ADAM18: variants seen among roughly 807,000 people sequenced by gnomAD.
ADAM18 encodes the protein ADAM metallopeptidase domain 18.
A neutral mutation model predicts 94.4 loss-of-function variants in ADAM18; 117 were observed. The ratio of observed to expected loss-of-function variants is 1.24; its 90% confidence interval spans 1.07 to 1.45. The LOEUF (loss-of-function observed/expected upper bound fraction) is 1.45. ADAM18 is among the 40% of genes most tolerant of loss of function. ADAM18 has a pLI of 0.00. For synonymous variants in ADAM18, 327 were observed against 291.6 expected (o/e 1.12, Z -1.24); for missense variants, 936 against 880.0 (o/e 1.06, Z -0.81).
intron 14 of ADAM18, among the ~76,000 whole-genome samples, chr8:39,669,745 T>C (rs1821101828): frequency 1.3e-5 from 2 of 152,132 alleles, no homozygotes; most frequent in Non-Finnish European, 2.9e-5. Flanking sequence ...TCCAAGTCTT[T>C]GCTATTGTGA....
intron 12 of ADAM18, among the ~76,000 whole-genome samples, chr8:39,661,193 C>T (rs1476075066): frequency 6.9e-6 from 1 of 145,042 alleles, no homozygotes; most frequent in Non-Finnish European, 1.5e-5. Flanking sequence ...CGGTTTGTCG[C>T]CCAGGCTGGA....
chr8:39,597,806 C>T (rs1032060200), intron 2 of ADAM18, among the ~76,000 whole-genome samples: 6 of 152,032 alleles, frequency 3.9e-5, no homozygotes, highest in Middle Eastern at 3.4e-3. Flanking sequence ...ATTTGTTTGT[C>T]GATATTTGCA....
intron 12 of ADAM18, among the ~76,000 whole-genome samples, chr8:39,661,319 A>ATTTTTTTTTTTTTTT (rs71518171): frequency 9.7e-5 from 11 of 112,852 alleles, no homozygotes; most frequent in African/African-American, 4.5e-4. Context: ...CACCCGGCAA[A>ATTTTTTTTTTTTTTT]TTTTTTTTTT....
At chr8:39,674,124 A>C (rs1269053007) in intron 14 of ADAM18, among the ~76,000 whole-genome samples, 1 of 152,152 alleles carries the variant, frequency 6.6e-6, no homozygotes, top group East Asian at 1.9e-4. Context: ...AGAGTTCTGT[A>C]GATGTCTATT....
chr8:39,684,459 C>G (rs58859185), intron 16 of ADAM18, among the ~76,000 whole-genome samples: 2 of 152,108 alleles, frequency 1.3e-5, no homozygotes, highest in Non-Finnish European at 2.9e-5. Flanking sequence ...AACTGGGGCA[C>G]GAACTGGGCC....
At chr8:39,632,396 CCT>C (rs1293108692) in intron 7 of ADAM18, among the ~76,000 whole-genome samples, 1 of 151,840 alleles carries the variant, frequency 6.6e-6, no homozygotes, top group Non-Finnish European at 1.5e-5. Context: ...CCTTATATTC[CCT>C]GTTTTCCAAG....
In ADAM18 at chr8:39,593,397, T is replaced by C. The variant is rs556524571; in HGVS notation, c.132+8045T>C. 5.3e-5 allele frequency among the ~76,000 whole-genome samples: 8 copies of C among 152,138 alleles called. No individual in the cohort carries two copies. The South Asian group carries it at 1.0e-3, about 20-fold the overall frequency. ...GTCACAGAAATACAAAATACAATGC[T>C]AAATTTTGTGTGGAACCACAAAATA... On this transcript the variant is annotated intron_variant, in intron 2 of 19. Coordinates refer to ENST00000265707, the MANE Select transcript of ADAM18 (RefSeq NM_014237.3).
chr8:39,618,973 T>G (rs1170464187), intron 6 of ADAM18, among the ~76,000 whole-genome samples: 2 of 152,156 alleles, frequency 1.3e-5, no homozygotes, highest in Non-Finnish European at 1.5e-5. Flanking sequence ...GCATTTCATC[T>G]TTTATCGAGC....
At chr8:39,716,103 A>G (rs1246205231) in intron 18 of ADAM18, among the ~76,000 whole-genome samples, 2 of 151,808 alleles carry the variant, frequency 1.3e-5, no homozygotes, top group South Asian at 2.1e-4. Flanking sequence ...TCTTTTTTCT[A>G]GGTAATGTTT....
Position 39,640,905 on chromosome 8 carries a change from G to A in ADAM18, c.909+2359G>A, listed in dbSNP as rs1820220065. ...TGTTAATTTGTTTATGTTCCATGTA[G>A]ATGCTGGATAGTAGACCTTTGTCAG... is the stretch of plus-strand genomic sequence containing the variant. On this transcript the variant is annotated intron_variant, in intron 10 of 19. Coordinates refer to ENST00000265707, the MANE Select transcript of ADAM18 (RefSeq NM_014237.3). 2.6e-5 allele frequency among the ~76,000 whole-genome samples: 4 copies of A among 151,436 alleles called. No individual in the cohort carries two copies. The South Asian group carries it at 6.2e-4, about 24-fold the overall frequency.
intron 16 of ADAM18, among the ~76,000 whole-genome samples, chr8:39,689,286 CTA>C (rs1363711902): frequency 6.6e-6 from 1 of 152,142 alleles, no homozygotes; most frequent in Non-Finnish European, 1.5e-5. Context: ...TTGCCTGCGC[CTA>C]TGTCTTAAAT....
chr8:39,672,352 G>A (rs1033750897), intron 14 of ADAM18, among the ~76,000 whole-genome samples: 20 of 152,102 alleles, frequency 1.3e-4, no homozygotes, highest in Non-Finnish European at 2.5e-4. Flanking sequence ...ATAAGATCTG[G>A]AAAAATCAAG....
chr8:39,588,866 G>A (rs1818485962), intron 2 of ADAM18, among the ~76,000 whole-genome samples: 1 of 152,100 alleles, frequency 6.6e-6, no homozygotes, highest in African/African-American at 2.4e-5. Flanking sequence ...GGAATTTGGG[G>A]GAAGTTTTAG....
At chr8:39,708,498 T>C (rs1057031412) in intron 18 of ADAM18, among the ~76,000 whole-genome samples, 6 of 152,204 alleles carry the variant, frequency 3.9e-5, no homozygotes, top group Non-Finnish European at 8.8e-5. Context: ...AAAATATAAA[T>C]GCATTTCTTT....
chr8:39,624,861 A>G lies in ADAM18; in HGVS notation c.523-4513A>G, dbSNP rs544926125. Among the ~76,000 whole-genome samples, 219 of 152,230 alleles carry G rather than the reference A, an allele frequency of 1.4e-3. 1 individual carries two copies. The highest frequency in any genetic ancestry group is 4.9e-3 in the African/African-American group (203 of 41,530). On this transcript the variant is annotated intron_variant, in intron 6 of 19. Transcript: ENST00000265707. ...CATGCCTGCTTTTCCTTTGCCTTCC[A>G]CCATGATTGAAAGTTTTCTGAGGTT...
At chr8:39,722,235 AT>A (rs1822779516) in intron 18 of ADAM18, among the ~76,000 whole-genome samples, 1 of 44,642 alleles carries the variant, frequency 2.2e-5, no homozygotes. Context: ...ATATATATAT[AT>A]ATATATATAT....
At chr8:39,637,834 C>T in intron 9 of ADAM18, 131 bp downstream of exon 9, 1 of 705,234 alleles carries the variant, frequency 1.4e-6, no homozygotes, top group Non-Finnish European at 2.1e-6. Context: ...TAGCCTTTGT[C>T]ATAGAGGTGC....
At chr8:39,598,968 C>A (rs560598579) in intron 2 of ADAM18, among the ~76,000 whole-genome samples, 1 of 151,942 alleles carries the variant, frequency 6.6e-6, no homozygotes, top group African/African-American at 2.4e-5. Flanking sequence ...CCCACCAACA[C>A]GCCCGGCTAA....
At chr8:39,606,938 T>A (rs893246111) in intron 3 of ADAM18, among the ~76,000 whole-genome samples, 2 of 152,116 alleles carry the variant, frequency 1.3e-5, no homozygotes, top group Admixed American at 1.3e-4. Context: ...CACAAGGAAA[T>A]GTCATCAGTT....
Sources: gnomAD v4.1 joint callset for allele counts (sites outside exome capture counted in the v4.1 genomes callset) on GRCh38, gnomAD v4.1.1 for gene constraint, MANE v1.5 for transcripts, NCBI Gene and HGNC (gene_info 2026-07-23, HGNC 2026-07-21) for gene names.